PTCHD4: variants seen among roughly 807,000 people sequenced by gnomAD.
The protein encoded by PTCHD4 is patched domain-containing protein 4.
A neutral mutation model predicts 58.1 loss-of-function variants in PTCHD4; 33 were observed. The observed-to-expected ratio is 0.57, with a 90% CI of 0.43 to 0.76. PTCHD4 has a LOEUF of 0.76. Ranked by LOEUF, PTCHD4 falls within the 30% of genes least tolerant of loss-of-function variation. The pLI is 0.00. For synonymous variants in PTCHD4, 478 were observed against 409.6 expected, an observed-to-expected ratio of 1.17 and a Z score of -2.02; for missense variants, 1,058 against 1,027.1, an observed-to-expected ratio of 1.03 and a Z score of -0.41.
rs79417233 is a variant in PTCHD4 at position 48,026,436 on chromosome 6, C to A, written c.418-17322G>T. 7.4e-3 allele frequency among the ~76,000 whole-genome samples: 1,128 copies of A among 152,192 alleles called. 10 individuals are homozygous for A. The highest frequency in any genetic ancestry group is 0.024 in the African/African-American group (1,009 of 41,534). On this transcript the variant is annotated intron_variant, in intron 3 of 4. Transcript: ENST00000339488. Reference sequence around the variant, plus strand: ...GAATTTCAGTGGTCTCTTTGGGGAACTTAGGATCTCTTGAGAGTCATTCTT... The same window carrying A: ...GAATTTCAGTGGTCTCTTTGGGGAAATTAGGATCTCTTGAGAGTCATTCTT...
intron 3 of PTCHD4, among the ~76,000 whole-genome samples, chr6:48,021,670 T>C (rs1022002156): frequency 3.3e-5 from 5 of 152,184 alleles, no homozygotes; most frequent in African/African-American, 4.8e-5. Context: ...GAATATGAAG[T>C]TGAATACAAC....
In PTCHD4 at chr6:48,030,410, C is replaced by G. The variant is rs374048409; in HGVS notation, c.418-21296G>C. 3.3e-5 allele frequency among the ~76,000 whole-genome samples: 5 copies of G among 152,212 alleles called. No individual in the cohort carries two copies. The East Asian group carries it at 9.7e-4, about 29-fold the overall frequency. On this transcript the variant is annotated intron_variant, in intron 3 of 4. Transcript: ENST00000339488. ...GGACTAGATTCTGAATTCTACTTTT[C>G]TTGAATATCTGGCTACAACTCTTGA... is the stretch of plus-strand genomic sequence containing the variant.
At chr6:47,905,417 A>T (rs1295561103) in intron 4 of PTCHD4, among the ~76,000 whole-genome samples, 4 of 152,178 alleles carry the variant, frequency 2.6e-5, no homozygotes, top group African/African-American at 9.7e-5. Context: ...TTCAGCAAAC[A>T]TTTATTATAT....
At chr6:47,968,372 T>C (rs909679394) in intron 4 of PTCHD4, among the ~76,000 whole-genome samples, 11 of 152,130 alleles carry the variant, frequency 7.2e-5, no homozygotes, top group Non-Finnish European at 1.3e-4. Context: ...AGATATAAAA[T>C]ATAAAAATAA....
intron 4 of PTCHD4, among the ~76,000 whole-genome samples, chr6:47,963,824 G>A (rs1022410360): frequency 7.2e-5 from 11 of 152,150 alleles, no homozygotes; most frequent in African/African-American, 2.7e-4. Flanking sequence ...AAAATAAAAT[G>A]TTATTTCAAC....
intron 4 of PTCHD4, among the ~76,000 whole-genome samples, chr6:47,908,556 A>G (rs1764973413): frequency 6.6e-6 from 1 of 152,196 alleles, no homozygotes; most frequent in Non-Finnish European, 1.5e-5. Flanking sequence ...CCTTTTGAAC[A>G]TAATGCCCAA....
In PTCHD4 at chr6:48,103,295, C is replaced by T. The variant is rs914781701; in HGVS notation, c.-970+7754G>A. Among the ~76,000 whole-genome samples the T allele has an allele frequency of 1.1e-3, 169 of 152,180 alleles. 4 individuals are homozygous for T. The highest frequency in any genetic ancestry group is 0.011 in the Admixed American group (169 of 15,280). Reference sequence around the variant, plus strand: ...TCAGGCAGCAGCATTTGCGGTTCACCAATATCCGCTGTTCTGCAGCTACTG... The same window carrying T: ...TCAGGCAGCAGCATTTGCGGTTCACTAATATCCGCTGTTCTGCAGCTACTG... On this transcript the variant is annotated intron_variant, in intron 1 of 4. Coordinates refer to ENST00000339488, the MANE Select transcript of PTCHD4 (RefSeq NM_001384253.1).
At chr6:48,030,278 G>A (rs1221623540) in intron 3 of PTCHD4, among the ~76,000 whole-genome samples, 1 of 152,086 alleles carries the variant, frequency 6.6e-6, no homozygotes, top group African/African-American at 2.4e-5. Flanking sequence ...AAGGGTGACT[G>A]TAGAGAGAAA....
At chr6:47,897,271 T>G (rs980919480) in intron 4 of PTCHD4, among the ~76,000 whole-genome samples, 3 of 152,122 alleles carry the variant, frequency 2.0e-5, no homozygotes, top group African/African-American at 7.2e-5. Flanking sequence ...TTGCTGCAAT[T>G]TATCAATAGG....
At chr6:48,093,038 A>T (rs938682116) in intron 1 of PTCHD4, among the ~76,000 whole-genome samples, 1 of 152,228 alleles carries the variant, frequency 6.6e-6, no homozygotes, top group Non-Finnish European at 1.5e-5. Flanking sequence ...TGCCACTGAC[A>T]GCAGCTATCC....
intron 1 of PTCHD4, among the ~76,000 whole-genome samples, chr6:48,097,536 AG>A (rs1765499390): frequency 1.3e-5 from 2 of 152,184 alleles, no homozygotes; most frequent in African/African-American, 4.8e-5. Flanking sequence ...AGTCAATAAT[AG>A]AGTAAGAAAT....
Position 48,080,178 on chromosome 6 carries a change from CA to C in PTCHD4, c.-969-10253del, listed in dbSNP as rs558025608. ...AAAAACTCAGACTATGTTTGACATT[CA>C]AAAATTTAGTCTTCAGCCTGTCAAA... On this transcript the variant is annotated intron_variant, in intron 1 of 4. Coordinates refer to ENST00000339488, the MANE Select transcript of PTCHD4 (RefSeq NM_001384253.1). Among the ~76,000 whole-genome samples the C allele has an allele frequency of 2.7e-3, 415 of 151,994 alleles. 2 individuals carry two copies. Among genetic ancestry groups the C allele is most frequent in the African/African-American group, 8.6e-3 (356 of 41,458 alleles).
chr6:48,060,175 A>G (rs1216733980), intron 3 of PTCHD4, among the ~76,000 whole-genome samples: 1 of 152,202 alleles, frequency 6.6e-6, no homozygotes, highest in Non-Finnish European at 1.5e-5. Flanking sequence ...ATGAATGTGT[A>G]TGTGAATGGC....
intron 4 of PTCHD4, among the ~76,000 whole-genome samples, chr6:47,980,287 C>A (rs1479038497): frequency 6.6e-6 from 1 of 151,970 alleles, no homozygotes; most frequent in Non-Finnish European, 1.5e-5. Context: ...TTTTTATATT[C>A]ATTTGTTTAT....
chr6:47,888,343 C>T (rs568745819), intron 4 of PTCHD4, among the ~76,000 whole-genome samples: 248 of 151,566 alleles, frequency 1.6e-3, no homozygotes, highest in African/African-American at 4.6e-3. Context: ...GGCGACAGCG[C>T]GAGACTCAGT....
intron 4 of PTCHD4, among the ~76,000 whole-genome samples, chr6:47,915,019 T>A (rs1765200442): frequency 6.6e-6 from 1 of 152,134 alleles, no homozygotes; most frequent in Admixed American, 6.6e-5. Flanking sequence ...AGAATTCATT[T>A]CAAATTTGGG....
At chr6:48,089,262 C>G (rs1256090863) in intron 1 of PTCHD4, among the ~76,000 whole-genome samples, 1 of 152,098 alleles carries the variant, frequency 6.6e-6, no homozygotes, top group Non-Finnish European at 1.5e-5. Flanking sequence ...TAGGAATAAT[C>G]TAAGTATTCT....
rs1763342655 is a variant in PTCHD4, at chr6:47,858,237, A to G, written c.*20066T>C. ...CTTGATTTTATAGCAGGCACCCCCAATTTTGGATTCAGGGGCAGACATAAG... is the reference window on the plus strand; with the variant it reads ...CTTGATTTTATAGCAGGCACCCCCAGTTTTGGATTCAGGGGCAGACATAAG... On this transcript the variant is annotated 3_prime_UTR_variant, in exon 5 of 5. Transcript: ENST00000339488. Among the ~76,000 whole-genome samples the G allele has an allele frequency of 6.6e-6, 1 of 151,998 alleles. No individual in the cohort carries two copies. Among genetic ancestry groups the G allele is most frequent in the Non-Finnish European group, 1.5e-5 (1 of 67,946 alleles).
At chr6:48,030,049 C>T (rs1202081118) in intron 3 of PTCHD4, among the ~76,000 whole-genome samples, 2 of 151,912 alleles carry the variant, frequency 1.3e-5, no homozygotes, top group Non-Finnish European at 2.9e-5. Flanking sequence ...GGCTTCCTAT[C>T]CTTGAGAGGA....
Sources: allele counts gnomAD v4.1 joint callset (sites outside exome capture counted in the v4.1 genomes callset), GRCh38; gene constraint gnomAD v4.1.1; transcripts MANE v1.5; gene names NCBI Gene and HGNC (gene_info 2026-07-23, HGNC 2026-07-21).